Variants in MTFR1L observed in about 807,000 individuals in gnomAD.
MTFR1L encodes mitochondrial fission regulator 1 like, also known as mitochondrial fission regulator 1-like.
A neutral mutation model predicts 27.9 loss-of-function variants in MTFR1L; 10 were observed. The ratio of observed to expected loss-of-function variants is 0.36; its 90% confidence interval spans 0.22 to 0.61. The LOEUF is 0.61. Among genes scored for constraint, MTFR1L ranks in the 20% least tolerant of loss-of-function variants. The pLI is 0.73. For missense variants in MTFR1L, 315 were observed against 363.7 expected (o/e 0.87, Z 1.09); for synonymous variants, 151 against 139.4 (o/e 1.08, Z -0.58).
At chr1:25,827,203 T>C (rs996954025) in intron 5 of MTFR1L, among the ~76,000 whole-genome samples, 3 of 151,944 alleles carry the variant, frequency 2.0e-5, no homozygotes, top group Admixed American at 1.3e-4. Context: ...AGTGGCACGA[T>C]CTTAGTTCAC....
At chr1:25,828,999 T>G (rs1412963827) in intron 5 of MTFR1L, among the ~76,000 whole-genome samples, 1 of 152,220 alleles carries the variant, frequency 6.6e-6, no homozygotes, top group African/African-American at 2.4e-5. Context: ...TAAAGTATTT[T>G]TAGAAATGTA....
In MTFR1L at chr1:25,820,047, G is replaced by A; in HGVS notation, c.-87+18G>A. The A allele has an allele frequency of 2.5e-6, 1 of 395,772 alleles. No homozygotes were observed. Among genetic ancestry groups the A allele is most frequent in the Non-Finnish European group, 4.9e-6 (1 of 203,936 alleles). 24.5% of individuals were successfully genotyped at this position (395,772 alleles called of 1,614,324 possible). ...AGCTTGAGGTGAGAAAGGTTCTAGG[G>A]AGGCGCGGAGGCGGGAGCGCGACCT... On this transcript the variant is annotated intron_variant, in intron 1 of 6. Coordinates refer to ENST00000374303, the MANE Select transcript of MTFR1L (RefSeq NM_001099625.2).
rs564450908 is a variant in MTFR1L, at chr1:25,829,780, C to T, written c.723C>T (p.Asp241=). The stretch of plus-strand genomic sequence containing the variant: ...TGTCCAAGGCCAGCAGCTTTGCAGA[C>T]ATGATGGGTATCCTGAAGGACTTTC... ...VSLSKASSFA[D]MMGILKDFHR... The change falls in exon 6 of 7, where the codon GAC becomes GAT. Residue 241 remains aspartate, a synonymous_variant. Transcript: ENST00000374303. 6.2e-7 allele frequency: 1 copy of T among 1,609,808 alleles called. No homozygotes were observed. The highest frequency in any genetic ancestry group is 1.3e-5 in the African/African-American group (1 of 75,050).
chr1:25,827,025 G>C (rs1373688659), intron 5 of MTFR1L, among the ~76,000 whole-genome samples, 199 bp downstream of exon 5: 1 of 152,170 alleles, frequency 6.6e-6, no homozygotes, highest in African/African-American at 2.4e-5. Context: ...GAATGGTTTG[G>C]TTAAGAACAA....
Position 25,832,224 on chromosome 1 carries a change from G to T in MTFR1L, c.*198G>T. On this transcript the variant is annotated 3_prime_UTR_variant, in exon 7 of 7. Coordinates refer to ENST00000374303, the MANE Select transcript of MTFR1L (RefSeq NM_001099625.2). ...AACCCTAGCAGAAGCTAAGGCTTGT[G>T]ATTTGACCTGAGACATTTGTTTCAG... 6.9e-7 allele frequency: 1 copy of T among 1,454,796 alleles called. No individual in the cohort carries two copies. The highest frequency in any genetic ancestry group is 1.2e-5 in the South Asian group (1 of 82,266). The allele number at this position is 1,454,796 out of a possible 1,614,324, so 90.1% of individuals were successfully genotyped here. A position where few individuals can be genotyped will look rare whatever the true frequency, so the allele number is the denominator to read the frequency against.
At chr1:25,830,461 C>G (rs943445606) in intron 6 of MTFR1L, among the ~76,000 whole-genome samples, 1 of 152,160 alleles carries the variant, frequency 6.6e-6, no homozygotes, top group Non-Finnish European at 1.5e-5. Context: ...GTATGAGGGT[C>G]TTTGGGGAAT....
At chr1:25,831,447 G>A (rs1030350176) in intron 6 of MTFR1L, among the ~76,000 whole-genome samples, 29 of 152,080 alleles carry the variant, frequency 1.9e-4, no homozygotes, top group Non-Finnish European at 3.5e-4. Context: ...GGGGAGACCC[G>A]GTGGTAGGAA....
chr1:25,823,330 C>G (rs1394315813), intron 2 of MTFR1L: 1 of 726,770 alleles, frequency 1.4e-6, no homozygotes, highest in East Asian at 2.7e-5. Flanking sequence ...CAGTGTATGT[C>G]TGCCTTTCTG....
At chr1:25,830,464 TG>T (rs1342093159) in intron 6 of MTFR1L, among the ~76,000 whole-genome samples, 1 of 152,186 alleles carries the variant, frequency 6.6e-6, no homozygotes, top group East Asian at 1.9e-4. Context: ...TGAGGGTCTT[TG>T]GGGAATACCT....
chr1:25,831,311 C>T (rs2048236883), intron 6 of MTFR1L, among the ~76,000 whole-genome samples: 2 of 152,136 alleles, frequency 1.3e-5, no homozygotes, highest in Non-Finnish European at 2.9e-5. Flanking sequence ...GTATCTAGGA[C>T]CCTCTTATAT....
chr1:25,832,248 A>G lies in MTFR1L; in HGVS notation c.*222A>G, dbSNP rs770828921. On this transcript the variant is annotated 3_prime_UTR_variant, in exon 7 of 7. Coordinates refer to ENST00000374303, the MANE Select transcript of MTFR1L (RefSeq NM_001099625.2). ...TGATTTGACCTGAGACATTTGTTTC[A>G]GGTAATCGTGTAGAATGAAGTATCT... is the stretch of plus-strand genomic sequence containing the variant. The G allele has an allele frequency of 3.1e-5, 42 of 1,344,800 alleles. No homozygotes were observed. Among genetic ancestry groups the G allele is most frequent in the Non-Finnish European group, 2.7e-5 (26 of 977,734 alleles). 83.3% of individuals were successfully genotyped at this position (1,344,800 alleles called of 1,614,324 possible). A position where few individuals can be genotyped will look rare whatever the true frequency, so the allele number is the denominator to read the frequency against.
intron 2 of MTFR1L, 112 bp from the exon 3 acceptor site, chr1:25,823,532 C>T (rs11247758): frequency 0.78 from 1,179,727 of 1,503,642 alleles, 467,428 homozygotes; most frequent in East Asian, 0.96. Flanking sequence ...TAGAGAGTGC[C>T]CTGTCCCTAG....
intron 1 of MTFR1L, chr1:25,822,234 G>A (rs2048103045): frequency 6.6e-6 from 1 of 152,238 alleles, no homozygotes; most frequent in Non-Finnish European, 1.5e-5. Flanking sequence ...GAAGGTGGCT[G>A]AGCCAGGATA....
At chr1:25,825,219 G>T (rs1346914020) in intron 3 of MTFR1L, among the ~76,000 whole-genome samples, 1 of 152,068 alleles carries the variant, frequency 6.6e-6, no homozygotes, top group Non-Finnish European at 1.5e-5. Context: ...ATAATTTGTA[G>T]CAGAAACAGT....
At chr1:25,828,551 C>G (rs572299127) in intron 5 of MTFR1L, among the ~76,000 whole-genome samples, 2 of 150,888 alleles carry the variant, frequency 1.3e-5, no homozygotes, top group South Asian at 4.2e-4. Context: ...CAGAGTGAGA[C>G]TCCGTCTCAA....
chr1:25,820,817 C>A, intron 1 of MTFR1L: 1 of 401,658 alleles, frequency 2.5e-6, no homozygotes, highest in South Asian at 1.8e-5. Context: ...CCGTGCTGTG[C>A]GCGGGGATCA....
At chr1:25,823,564 C>T (rs992721480) in intron 2 of MTFR1L, 80 bp from the exon 3 acceptor site, 1 of 1,560,506 alleles carries the variant, frequency 6.4e-7, no homozygotes, top group Admixed American at 1.9e-5. Flanking sequence ...TCAGTCTCCA[C>T]AAACCTAGAG....
Position 25,831,345 on chromosome 1 carries a change from A to G in MTFR1L, c.774-576A>G, listed in dbSNP as rs182440571. On this transcript the variant is annotated intron_variant, in intron 6 of 6. Coordinates refer to ENST00000374303, the MANE Select transcript of MTFR1L (RefSeq NM_001099625.2). ...ATGATGTATCAGATAACTTGGGCCT[A>G]CTTCAGTCTGGAGTTGGTTTTGTTC... Among the ~76,000 whole-genome samples the G allele has an allele frequency of 2.4e-4, 37 of 152,298 alleles. No individual in the cohort carries two copies. The East Asian group carries it at 6.6e-3, about 27-fold the overall frequency.
intron 2 of MTFR1L, 193 bp from the exon 3 acceptor site, chr1:25,823,451 G>C: frequency 1.2e-6 from 1 of 866,000 alleles, no homozygotes; most frequent in Non-Finnish European, 1.9e-6. Context: ...TATTCCCTTG[G>C]GTGGCTGGCC....
Sources: gnomAD v4.1 joint callset for allele counts (sites outside exome capture counted in the v4.1 genomes callset) on GRCh38, gnomAD v4.1.1 for gene constraint, MANE v1.5 for transcripts, NCBI Gene and HGNC (gene_info 2026-07-23, HGNC 2026-07-21) for gene names.